Variants in IKZF2 observed in about 807,000 individuals in gnomAD.
IKZF2 encodes the protein zinc finger protein Helios.
IKZF2 carries 15 observed loss-of-function variants against 49.2 expected under a neutral mutation model. That is an observed-to-expected ratio of 0.30 (90% CI 0.20 to 0.47). The LOEUF is 0.47. IKZF2 is among the 20% of genes least tolerant of loss of function. The pLI, the probability that IKZF2 is intolerant of heterozygous loss-of-function variation, is 1.00. For missense variants in IKZF2, 567 were observed against 664.6 expected (o/e 0.85, Z 1.61); for synonymous variants, 227 against 221.4 (o/e 1.03, Z -0.23).
upstream of IKZF2, chr2:213,152,125 C>G (rs187558585): frequency 7.7e-3 from 1,165 of 152,268 alleles, 14 homozygotes; most frequent in Non-Finnish European, 0.01. Context: ...ATAAATCTCA[C>G]GTTTTCTGCC....
intron 6 of IKZF2, among the ~76,000 whole-genome samples, chr2:213,024,341 A>G (rs775888910): frequency 1.7e-4 from 26 of 152,168 alleles, no homozygotes; most frequent in Non-Finnish European, 3.7e-4. Context: ...TCAATAACAG[A>G]CTACTATGTA....
intron 6 of IKZF2, among the ~76,000 whole-genome samples, chr2:213,024,686 C>A (rs758799424): frequency 2.0e-5 from 3 of 152,018 alleles, no homozygotes; most frequent in Non-Finnish European, 4.4e-5. Context: ...CCTCTATATA[C>A]TTAGCTCCTT....
intron 7 of IKZF2, chr2:213,021,555 T>C: frequency 3.0e-6 from 1 of 328,948 alleles, no homozygotes. Context: ...TAGATTGTTT[T>C]GCACATTGTA....
At chr2:213,048,687 G>A (rs1366355910) in intron 6 of IKZF2, among the ~76,000 whole-genome samples, 2 of 151,872 alleles carry the variant, frequency 1.3e-5, no homozygotes, top group African/African-American at 4.8e-5. Context: ...TAATTTTTTT[G>A]TAACTGCCCC....
In IKZF2 at chr2:213,063,443, C is replaced by G. The variant is rs116640723; in HGVS notation, c.140-6344G>C. 5.7e-3 allele frequency among the ~76,000 whole-genome samples: 863 copies of G among 151,984 alleles called. 5 individuals carry two copies. The highest frequency in any genetic ancestry group is 0.02 in the African/African-American group (833 of 41,474). Reference sequence around the variant, plus strand: ...ACCTTGGGAAATTTGTTTATCCTGACTCAGCCACTAGTACCATCTAAAATA... The same window carrying G: ...ACCTTGGGAAATTTGTTTATCCTGAGTCAGCCACTAGTACCATCTAAAATA... On this transcript the variant is annotated intron_variant, in intron 4 of 8. Transcript: ENST00000434687.
At chr2:213,020,447 C>A (rs989589770) in intron 7 of IKZF2, among the ~76,000 whole-genome samples, 4 of 151,964 alleles carry the variant, frequency 2.6e-5, no homozygotes, top group Admixed American at 6.6e-5. Flanking sequence ...GTAGCCAGAG[C>A]AGGTTTGGCA....
Position 213,002,242 on chromosome 2 carries a change from C to T in IKZF2, c.*5118G>A, listed in dbSNP as rs1245474195. On this transcript the variant is annotated 3_prime_UTR_variant, in exon 9 of 9. Coordinates refer to ENST00000434687, the MANE Select transcript of IKZF2 (RefSeq NM_001387220.1). ...TCTGTATGGGATAAAGGTTAATACA[C>T]AACACATATTTTATACAGAAAATAT... is the stretch of plus-strand genomic sequence containing the variant. 1 of 151,410 alleles carries T rather than the reference C, an allele frequency of 6.6e-6. No individual in the cohort carries two copies. The highest frequency in any genetic ancestry group is 6.6e-5 in the Admixed American group (1 of 15,170). 9.4% of individuals were successfully genotyped at this position (151,410 alleles called of 1,614,324 possible). A position where few individuals can be genotyped will look rare whatever the true frequency, so the allele number is the denominator to read the frequency against.
intron 4 of IKZF2, among the ~76,000 whole-genome samples, chr2:213,067,895 G>A (rs1486245633): frequency 6.6e-6 from 1 of 152,038 alleles, no homozygotes; most frequent in Non-Finnish European, 1.5e-5. Flanking sequence ...AAAATATAGA[G>A]CATAAATAAT....
At chr2:213,075,277 C>T (rs568136418) in intron 4 of IKZF2, among the ~76,000 whole-genome samples, 14 of 136,206 alleles carry the variant, frequency 1.0e-4, no homozygotes, top group Admixed American at 6.3e-4. Context: ...TTGGCACATG[C>T]TGTATGTGTT....
intron 4 of IKZF2, among the ~76,000 whole-genome samples, chr2:213,120,261 T>C (rs1360553184): frequency 6.6e-6 from 1 of 152,198 alleles, no homozygotes; most frequent in Non-Finnish European, 1.5e-5. Flanking sequence ...TGGTGAATAC[T>C]ATAATAGATA....
At chr2:213,008,745 A>G (rs1411271434) in intron 8 of IKZF2, among the ~76,000 whole-genome samples, 1 of 152,042 alleles carries the variant, frequency 6.6e-6, no homozygotes, top group Non-Finnish European at 1.5e-5. Flanking sequence ...ACTATGCTTG[A>G]TTTTGCATAT....
At chr2:213,014,033 G>C in intron 7 of IKZF2, 99 bp from the exon 8 acceptor site, 1 of 1,088,252 alleles carries the variant, frequency 9.2e-7, no homozygotes, top group Admixed American at 2.0e-5. Context: ...ATAAAAGCTA[G>C]TATGCTTCAG....
intron 6 of IKZF2, among the ~76,000 whole-genome samples, chr2:213,031,074 C>A (rs1306523497): frequency 6.6e-6 from 1 of 152,216 alleles, no homozygotes; most frequent in Admixed American, 6.5e-5. Context: ...GATCCGCCCG[C>A]CTCAGCCTCC....
At chr2:213,126,578 A>T (rs983642820) in intron 4 of IKZF2, among the ~76,000 whole-genome samples, 2 of 152,220 alleles carry the variant, frequency 1.3e-5, no homozygotes, top group African/African-American at 2.4e-5. Context: ...CTTATAAATA[A>T]TTTGTAATTA....
chr2:213,038,046 T>C (rs1447377471), intron 6 of IKZF2, among the ~76,000 whole-genome samples: 1 of 152,002 alleles, frequency 6.6e-6, no homozygotes. Flanking sequence ...TGGTCTGTTT[T>C]GTTTTGTTTT....
rs1695027516 is a variant in IKZF2, at chr2:213,002,941, A to G, written c.*4419T>C. 1 of 151,968 alleles carries G rather than the reference A, an allele frequency of 6.6e-6. No homozygotes were observed. The highest frequency in any genetic ancestry group is 2.4e-5 in the African/African-American group (1 of 41,410). The allele number at this position is 151,968 out of a possible 1,614,324, so 9.4% of individuals were successfully genotyped here. A position where few individuals can be genotyped will look rare whatever the true frequency, so the allele number is the denominator to read the frequency against. ...ATTCACAGGTAAAGTTTCACTCTAT[A>G]TTTTACCTGCATAATCTTGTAATCA... On this transcript the variant is annotated 3_prime_UTR_variant, in exon 9 of 9. Coordinates refer to ENST00000434687, the MANE Select transcript of IKZF2 (RefSeq NM_001387220.1).
chr2:213,111,427 C>A (rs1002652388), intron 4 of IKZF2, among the ~76,000 whole-genome samples: 1 of 151,924 alleles, frequency 6.6e-6, no homozygotes, highest in Non-Finnish European at 1.5e-5. Context: ...ATTTAAACTG[C>A]CCTATTACTA....
intron 4 of IKZF2, among the ~76,000 whole-genome samples, chr2:213,107,001 A>C (rs2059554991): frequency 6.6e-6 from 1 of 152,218 alleles, no homozygotes; most frequent in African/African-American, 2.4e-5. Context: ...GCTGCTGATT[A>C]ATTATAATGG....
At chr2:213,074,074 A>G (rs1215860633) in intron 4 of IKZF2, among the ~76,000 whole-genome samples, 3 of 152,222 alleles carry the variant, frequency 2.0e-5, no homozygotes, top group Non-Finnish European at 2.9e-5. Context: ...ATTGAAAAGA[A>G]AAAACTTTGA....
Sources: allele counts gnomAD v4.1 joint callset (sites outside exome capture counted in the v4.1 genomes callset), GRCh38; gene constraint gnomAD v4.1.1; transcripts MANE v1.5; gene names NCBI Gene and HGNC (gene_info 2026-07-23, HGNC 2026-07-21).